Variants in KIRREL3 observed in about 807,000 individuals in gnomAD.
KIRREL3 encodes the protein kirre like nephrin family adhesion molecule 3.
Under a neutral mutation model 89.7 loss-of-function variants are expected in KIRREL3, and 36 were observed. That is an observed-to-expected ratio of 0.40 (90% CI 0.31 to 0.53). KIRREL3 has a LOEUF of 0.53. Among genes scored for constraint, KIRREL3 ranks in the 20% least tolerant of loss-of-function variants. The pLI, the probability that KIRREL3 is intolerant of heterozygous loss-of-function variation, is 0.49. For synonymous variants in KIRREL3, 445 were observed against 441.4 expected, an observed-to-expected ratio of 1.01 and a Z score of -0.10; for missense variants, 864 against 1,056.6, an observed-to-expected ratio of 0.82 and a Z score of 2.53.
At chr11:126,968,596 G>C (rs1042517499) in intron 1 of KIRREL3, among the ~76,000 whole-genome samples, 2 of 152,186 alleles carry the variant, frequency 1.3e-5, no homozygotes, top group East Asian at 3.8e-4. Flanking sequence ...TGCTAACAGC[G>C]TGCTGGAGAA....
At position 126,909,724 on chromosome 11, in the gene KIRREL3, A is replaced by G. The variant is rs980583518; in HGVS notation, c.55+90731T>C. On this transcript the variant is annotated intron_variant, in intron 1 of 16. Transcript: ENST00000525144. This position sits in a 1 kb window ranked among gnomAD's most constrained non-coding sequence, Gnocchi z 4.5. ...GGGAGGCAGGATCTTGACCTCAGAGATGACCTTTTGCCATCATTGTCTCAG... is the reference window on the plus strand; with the variant it reads ...GGGAGGCAGGATCTTGACCTCAGAGGTGACCTTTTGCCATCATTGTCTCAG... 2.0e-5 allele frequency among the ~76,000 whole-genome samples: 3 copies of G among 152,114 alleles called. No homozygotes were observed. Among genetic ancestry groups the G allele is most frequent in the Admixed American group, 6.5e-5 (1 of 15,278 alleles).
chr11:126,888,372 T>C (rs1226039247), intron 1 of KIRREL3, among the ~76,000 whole-genome samples: 1 of 151,724 alleles, frequency 6.6e-6, no homozygotes, highest in Non-Finnish European at 1.5e-5. Flanking sequence ...AAAGGGCCCG[T>C]GCCAGATTCT....
rs111900999 is a variant in KIRREL3 at position 126,943,596 on chromosome 11, G to A, written c.55+56859C>T. ...AAATGAACAGTAATGCATTCATATC[G>A]AATACATCTCAGAGCATAAGTGCCA... On this transcript the variant is annotated intron_variant, in intron 1 of 16. Coordinates refer to ENST00000525144, the MANE Select transcript of KIRREL3 (RefSeq NM_032531.4). This position sits in a 1 kb window ranked among gnomAD's most constrained non-coding sequence, Gnocchi z 4.2. Among the ~76,000 whole-genome samples, 325 of 152,284 alleles carry A rather than the reference G, an allele frequency of 2.1e-3. 3 individuals are homozygous for A. Among genetic ancestry groups the A allele is most frequent in the African/African-American group, 7.1e-3 (296 of 41,558 alleles).
At position 126,655,810 on chromosome 11, in the gene KIRREL3, A is replaced by G. The variant is rs1390623265; in HGVS notation, c.56-92898T>C. Reference sequence around the variant, plus strand: ...GATAAAAATTCTGTCCACTCTACCAAAATGGGAGAAGCAATAGCAAGACAG... The same window carrying G: ...GATAAAAATTCTGTCCACTCTACCAGAATGGGAGAAGCAATAGCAAGACAG... On this transcript the variant is annotated intron_variant, in intron 1 of 16. Transcript: ENST00000525144. The surrounding 1 kb of genome is among the most constrained non-coding windows in gnomAD (Gnocchi z 5.0). Among the ~76,000 whole-genome samples, 2 of 152,196 alleles carry G rather than the reference A, an allele frequency of 1.3e-5. No homozygotes were observed. Among genetic ancestry groups the G allele is most frequent in the Non-Finnish European group, 2.9e-5 (2 of 68,040 alleles).
At chr11:126,933,342 G>A (rs1565435668) in intron 1 of KIRREL3, among the ~76,000 whole-genome samples, 2 of 151,744 alleles carry the variant, frequency 1.3e-5, no homozygotes, top group Admixed American at 6.6e-5. Flanking sequence ...AGCCTAATGA[G>A]GGACTCCCTG....
chr11:126,845,530 C>G (rs904652027), intron 1 of KIRREL3, among the ~76,000 whole-genome samples: 11 of 152,068 alleles, frequency 7.2e-5, no homozygotes, highest in Admixed American at 7.2e-4. Context: ...GAATGAGGGC[C>G]TAGGACCCCA....
At position 126,513,294 on chromosome 11, in the gene KIRREL3, A is replaced by T. The variant is rs4573681; in HGVS notation, c.433+8021T>A. ...TGGCCCTGGGCATGGTCATTTGGGAAGCTACCCCCAGATTTCAGTGGCGAG... is the reference window on the plus strand; with the variant it reads ...TGGCCCTGGGCATGGTCATTTGGGATGCTACCCCCAGATTTCAGTGGCGAG... On this transcript the variant is annotated intron_variant, in intron 4 of 16. Transcript: ENST00000525144. This position sits in a 1 kb window ranked among gnomAD's most constrained non-coding sequence, Gnocchi z 5.9. 0.37 allele frequency among the ~76,000 whole-genome samples: 55,936 copies of T among 151,862 alleles called. 11,308 individuals are homozygous for T. The highest frequency in any genetic ancestry group is 0.52 in the African/African-American group (21,654 of 41,368).
chr11:126,751,269 A>T (rs1160572876), intron 1 of KIRREL3, among the ~76,000 whole-genome samples: 1 of 152,200 alleles, frequency 6.6e-6, no homozygotes, highest in African/African-American at 2.4e-5. Flanking sequence ...ACCTTCCTGG[A>T]TGCACCATCT....
intron 2 of KIRREL3, among the ~76,000 whole-genome samples, chr11:126,540,691 G>A (rs940121887): frequency 9.2e-5 from 14 of 152,238 alleles, no homozygotes; most frequent in Admixed American, 6.5e-5. Flanking sequence ...GGGCTCTTCA[G>A]TGCCCATGGC....
chr11:126,560,732 A>G (rs1311244965), intron 2 of KIRREL3, among the ~76,000 whole-genome samples: 1 of 152,242 alleles, frequency 6.6e-6, no homozygotes, highest in South Asian at 2.1e-4. Flanking sequence ...GGTCTTTTAT[A>G]TTTATTCTAA....
At chr11:126,670,691 C>A (rs1243220183) in intron 1 of KIRREL3, among the ~76,000 whole-genome samples, 1 of 152,108 alleles carries the variant, frequency 6.6e-6, no homozygotes, top group Non-Finnish European at 1.5e-5. Flanking sequence ...CCCTTGGGGG[C>A]TACATTTTAG....
At position 126,695,168 on chromosome 11, in the gene KIRREL3, C is replaced by A. The variant is rs2135145628; in HGVS notation, c.56-132256G>T. Among the ~76,000 whole-genome samples the A allele has an allele frequency of 2.6e-5, 4 of 152,052 alleles. No individual in the cohort carries two copies. The Middle Eastern group carries it at 0.01, about 388-fold the overall frequency. On this transcript the variant is annotated intron_variant, in intron 1 of 16. Coordinates refer to ENST00000525144, the MANE Select transcript of KIRREL3 (RefSeq NM_032531.4). ...AAGCCGAAAGTATTTACTTTTTGGC[C>A]CTTTACAGAAAAAGTTTGCCAATCC...
intron 1 of KIRREL3, among the ~76,000 whole-genome samples, chr11:126,899,588 C>T (rs1395072905): frequency 6.6e-6 from 1 of 152,224 alleles, no homozygotes; most frequent in Non-Finnish European, 1.5e-5. Context: ...TGGATCACCA[C>T]TCAACCTTTG....
At chr11:126,964,995 T>C (rs1406560356) in intron 1 of KIRREL3, among the ~76,000 whole-genome samples, 2 of 152,162 alleles carry the variant, frequency 1.3e-5, no homozygotes, top group African/African-American at 2.4e-5. Context: ...CAAACATTCA[T>C]TAAAGTGCAC....
At chr11:126,721,916 G>A (rs1290013275) in intron 1 of KIRREL3, among the ~76,000 whole-genome samples, 1 of 152,234 alleles carries the variant, frequency 6.6e-6, no homozygotes, top group Non-Finnish European at 1.5e-5. Flanking sequence ...AAGCCTCACA[G>A]TCCAAAAGCC....
rs145027585 is a variant in KIRREL3 at position 126,625,328 on chromosome 11, A to G, written c.56-62416T>C. ...CCTTTAGGTAGGGTCTCTGGAAATCATTTGAGTATATGGCCTGAAACAAGC... is the reference window on the plus strand; with the variant it reads ...CCTTTAGGTAGGGTCTCTGGAAATCGTTTGAGTATATGGCCTGAAACAAGC... On this transcript the variant is annotated intron_variant, in intron 1 of 16. Coordinates refer to ENST00000525144, the MANE Select transcript of KIRREL3 (RefSeq NM_032531.4). Among the ~76,000 whole-genome samples the G allele has an allele frequency of 7.2e-5, 11 of 152,276 alleles. No individual in the cohort carries two copies. The East Asian group carries it at 2.1e-3, about 29-fold the overall frequency.
chr11:126,938,684 C>T (rs78916420), intron 1 of KIRREL3, among the ~76,000 whole-genome samples: 1 of 152,344 alleles, frequency 6.6e-6, no homozygotes, highest in African/African-American at 2.4e-5. Flanking sequence ...TGTGTTCCAA[C>T]TGTCATACTC....
chr11:126,797,467 G>A lies in KIRREL3; in HGVS notation c.55+202988C>T, dbSNP rs1008022226. The stretch of plus-strand genomic sequence containing the variant: ...CTTCAACTTCTGCTTGCAGAAGCCC[G>A]ATTCATCTGTTACCTGGGAAGCTAA... On this transcript the variant is annotated intron_variant, in intron 1 of 16. Transcript: ENST00000525144. The surrounding 1 kb of genome is among the most constrained non-coding windows in gnomAD (Gnocchi z 4.9). Among the ~76,000 whole-genome samples the A allele has an allele frequency of 2.0e-5, 3 of 152,052 alleles. No homozygotes were observed. The highest frequency in any genetic ancestry group is 4.8e-5 in the African/African-American group (2 of 41,406).
chr11:126,876,824 C>T lies in KIRREL3; in HGVS notation c.55+123631G>A, dbSNP rs1030966287. On this transcript the variant is annotated intron_variant, in intron 1 of 16. Coordinates refer to ENST00000525144, the MANE Select transcript of KIRREL3 (RefSeq NM_032531.4). The surrounding 1 kb of genome is among the most constrained non-coding windows in gnomAD (Gnocchi z 4.1). ...TGCTAGGATTACAGGCGTGAGCCAC[C>T]GTGCCTGGCCATAAATATGTTTTTA... is the stretch of plus-strand genomic sequence containing the variant. 6.6e-5 allele frequency among the ~76,000 whole-genome samples: 10 copies of T among 152,086 alleles called. No homozygotes were observed. Among genetic ancestry groups the T allele is most frequent in the African/African-American group, 2.4e-4 (10 of 41,402 alleles).
Sources: gnomAD v4.1 joint callset for allele counts (sites outside exome capture counted in the v4.1 genomes callset) on GRCh38, gnomAD v4.1.1 for gene constraint, Gnocchi (gnomAD v3.1) non-coding constraint, MANE v1.5 for transcripts, NCBI Gene and HGNC (gene_info 2026-07-23, HGNC 2026-07-21) for gene names.